Variants in BEND7 observed in about 807,000 individuals in gnomAD.
BEND7 encodes the protein BEN domain-containing protein 7.
A neutral mutation model predicts 50.9 loss-of-function variants in BEND7; 28 were observed. That is an observed-to-expected ratio of 0.55 (90% confidence interval 0.41 to 0.75). The LOEUF (loss-of-function observed/expected upper bound fraction) is 0.75, where lower values mean the gene tolerates loss of function less well. BEND7 is among the 30% of genes least tolerant of loss of function. The probability of loss-of-function intolerance (pLI) is 0.00; values close to 1 mark genes in which losing one functional copy is unlikely to be tolerated. For synonymous variants in BEND7, 170 were observed against 183.9 expected (o/e 0.92, Z 0.61); for missense variants, 477 against 491.3 (o/e 0.97, Z 0.28).
chr10:13,511,994 G>T (rs566072317), intron 2 of BEND7, among the ~76,000 whole-genome samples: 1 of 152,314 alleles, frequency 6.6e-6, no homozygotes, highest in Non-Finnish European at 1.5e-5. Context: ...GGTGCCGTGT[G>T]AACTAGCTGG....
At chr10:13,439,556 C>T, downstream of BEND7, 1 of 1,492,664 alleles carries the variant, frequency 6.7e-7, no homozygotes, top group Non-Finnish European at 9.0e-7. Context: ...CCTGTCTCCT[C>T]CAAATCGTCA....
chr10:13,446,763 G>T, intron 8 of BEND7: 1 of 173,002 alleles, frequency 5.8e-6, no homozygotes, highest in Non-Finnish European at 1.2e-5. Context: ...TCTGGTCCTG[G>T]TATTAGGAAT....
At chr10:13,525,474 A>G (rs1012034251) in intron 2 of BEND7, among the ~76,000 whole-genome samples, 11 of 152,236 alleles carry the variant, frequency 7.2e-5, no homozygotes, top group Admixed American at 5.2e-4. Context: ...GGATGGTAAG[A>G]GGAAAGCATG....
intron 2 of BEND7, among the ~76,000 whole-genome samples, chr10:13,525,149 CCTG>C (rs1267510626): frequency 6.6e-6 from 1 of 152,156 alleles, no homozygotes; most frequent in Non-Finnish European, 1.5e-5. Flanking sequence ...GTGCCCTCAC[CCTG>C]CTACCTGGGA....
chr10:13,480,796 T>A (rs1030376829), intron 6 of BEND7, 103 bp downstream of exon 6: 25 of 1,537,058 alleles, frequency 1.6e-5, no homozygotes, highest in Non-Finnish European at 2.0e-5. Flanking sequence ...CAATGGCAAA[T>A]GAAACTGGCC....
intron 2 of BEND7, among the ~76,000 whole-genome samples, chr10:13,523,191 T>A (rs1160361356): frequency 6.6e-6 from 1 of 152,206 alleles, no homozygotes; most frequent in African/African-American, 2.4e-5. Context: ...AACTGTTTCC[T>A]TTCAAACAGT....
intron 5 of BEND7, among the ~76,000 whole-genome samples, chr10:13,481,938 G>A (rs753387686): frequency 3.3e-5 from 5 of 152,312 alleles, no homozygotes; most frequent in African/African-American, 9.6e-5. Flanking sequence ...CCAACAGCAC[G>A]CCAGGAGGTT....
At chr10:13,466,583 T>C (rs977315700) in intron 6 of BEND7, among the ~76,000 whole-genome samples, 1 of 152,018 alleles carries the variant, frequency 6.6e-6, no homozygotes, top group African/African-American at 2.4e-5. Context: ...TATGGATTTA[T>C]AGAAATTCTA....
At chr10:13,497,641 T>C (rs2077120381) in intron 3 of BEND7, among the ~76,000 whole-genome samples, 1 of 152,232 alleles carries the variant, frequency 6.6e-6, no homozygotes, top group Non-Finnish European at 1.5e-5. Flanking sequence ...TATCTTATTC[T>C]GTTTCTCTCA....
intron 8 of BEND7, chr10:13,445,997 C>T (rs985524340): frequency 2.2e-4 from 34 of 152,300 alleles, no homozygotes; most frequent in African/African-American, 7.5e-4. Context: ...TATGCGTGCC[C>T]TGATATTCAG....
chr10:13,490,119 G>C (rs150185787), intron 5 of BEND7, among the ~76,000 whole-genome samples: 168 of 152,290 alleles, frequency 1.1e-3, no homozygotes, highest in African/African-American at 3.9e-3. Context: ...AGCCCCTTGT[G>C]GGCCCTTATG....
intron 6 of BEND7, among the ~76,000 whole-genome samples, chr10:13,466,682 T>C (rs1021427617): frequency 4.6e-5 from 7 of 152,134 alleles, no homozygotes; most frequent in Admixed American, 1.3e-4. Context: ...ATTTAAAAGA[T>C]TGGGAATCAC....
downstream of BEND7, chr10:13,439,115 C>A: frequency 6.9e-7 from 1 of 1,451,224 alleles, no homozygotes; most frequent in Non-Finnish European, 9.3e-7. Context: ...CATCACAAGG[C>A]TCAGATTCCA....
In BEND7 at chr10:13,528,641, G is replaced by GGCTCGTGTCA; in HGVS notation, c.-109_-108insTGACACGAGC. Reference sequence around the variant, plus strand: ...GGGCTCGTGTCACCGCGGCGGAGCCGCCGGGACCAAGGTCCGCGCCTGGAG... The same window carrying GGCTCGTGTCA: ...GGGCTCGTGTCACCGCGGCGGAGCCGGCTCGTGTCACCGGGACCAAGGTCCGCGCCTGGAG... On this transcript the variant is annotated 5_prime_UTR_variant, in exon 1 of 9. Transcript: ENST00000466271. The GGCTCGTGTCA allele has an allele frequency of 1.9e-6, 1 of 534,164 alleles. No individual in the cohort carries two copies. Among genetic ancestry groups the GGCTCGTGTCA allele is most frequent in the African/African-American group, 2.1e-5 (1 of 46,842 alleles). 33.1% of individuals were successfully genotyped at this position (534,164 alleles called of 1,614,324 possible). A position where few individuals can be genotyped will look rare whatever the true frequency, so the allele number is the denominator to read the frequency against.
intron 2 of BEND7, among the ~76,000 whole-genome samples, chr10:13,508,883 C>G (rs1318171297): frequency 6.6e-6 from 1 of 152,190 alleles, no homozygotes; most frequent in African/African-American, 2.4e-5. Context: ...GACGGGCAGG[C>G]CTAAGCGGCA....
chr10:13,471,059 T>C (rs1438463000), intron 6 of BEND7, among the ~76,000 whole-genome samples: 1 of 152,236 alleles, frequency 6.6e-6, no homozygotes, highest in African/African-American at 2.4e-5. Flanking sequence ...ATGTCATCTA[T>C]TCTGTGAGGT....
At chr10:13,445,858 AG>A (rs942479033) in intron 8 of BEND7, 1 of 152,156 alleles carries the variant, frequency 6.6e-6, no homozygotes, top group Non-Finnish European at 1.5e-5. Flanking sequence ...CCAGGGTGGG[AG>A]GGCACTTGGG....
In BEND7 at chr10:13,452,600, A is replaced by G. The variant is rs1837994671; in HGVS notation, c.1122T>C (p.Asp374=). 6.2e-7 allele frequency: 1 copy of G among 1,613,384 alleles called. No individual in the cohort carries two copies. The highest frequency in any genetic ancestry group is 8.5e-7 in the Non-Finnish European group (1 of 1,179,578). The change falls in exon 7 of 9, where the codon GAT becomes GAC. Residue 374 remains aspartate, a synonymous_variant. Coordinates refer to ENST00000466271, the MANE Select transcript of BEND7 (RefSeq NM_001369863.1). ...NHVDKLPGPR[D]WVQILQDQIK... Reference sequence around the variant, plus strand: ...TTTGATCCTGTAGAATCTGTACCCAATCTCTTGGGCCAGGAAGCTTATCCA... The same window carrying G: ...TTTGATCCTGTAGAATCTGTACCCAGTCTCTTGGGCCAGGAAGCTTATCCA...
chr10:13,496,440 A>G (rs992172761), intron 4 of BEND7, among the ~76,000 whole-genome samples: 5 of 152,240 alleles, frequency 3.3e-5, no homozygotes, highest in Non-Finnish European at 7.3e-5. Context: ...ACTGAAGCCC[A>G]TGCTTCCTAA....
Sources: allele counts gnomAD v4.1 joint callset (sites outside exome capture counted in the v4.1 genomes callset), GRCh38; gene constraint gnomAD v4.1.1; transcripts MANE v1.5; gene names NCBI Gene and HGNC (gene_info 2026-07-23, HGNC 2026-07-21).